TRMT9B: variants seen among roughly 807,000 people sequenced by gnomAD.
TRMT9B encodes the protein tRNA methyltransferase 9B (putative).
Under a neutral mutation model 11.5 loss-of-function variants are expected in TRMT9B, and 16 were observed. The ratio of observed to expected loss-of-function variants is 1.39; its 90% CI spans 0.94 to 2.11. The LOEUF is 2.11. Among genes scored for constraint, TRMT9B ranks in the 30% most tolerant of loss-of-function variants. TRMT9B has a pLI of 0.00. For missense variants in TRMT9B, 941 were observed against 553.8 expected, an observed-to-expected ratio of 1.70 and a Z score of -7.02; for synonymous variants, 274 against 192.4, an observed-to-expected ratio of 1.42 and a Z score of -3.51.
intron 1 of TRMT9B, among the ~76,000 whole-genome samples, chr8:12,985,174 T>C (rs1806078139): frequency 6.6e-6 from 1 of 152,184 alleles, no homozygotes; most frequent in Non-Finnish European, 1.5e-5. Context: ...CCCCTCACGT[T>C]GTTCACTTTC....
intron 1 of TRMT9B, among the ~76,000 whole-genome samples, chr8:12,974,133 T>A (rs77714142): frequency 0.023 from 3,432 of 152,140 alleles, 64 homozygotes; most frequent in Admixed American, 0.037. Context: ...ATCGCACCGA[T>A]GCTCTCCAGC....
chr8:12,995,650 T>C (rs1292139585), intron 2 of TRMT9B, among the ~76,000 whole-genome samples: 1 of 152,176 alleles, frequency 6.6e-6, no homozygotes, highest in Non-Finnish European at 1.5e-5. Context: ...GATACACATG[T>C]TTGTCTTCTT....
intron 1 of TRMT9B, among the ~76,000 whole-genome samples, chr8:12,983,855 G>T (rs534371698): frequency 6.6e-6 from 1 of 152,114 alleles, no homozygotes; most frequent in Non-Finnish European, 1.5e-5. Flanking sequence ...CTTATTTGTT[G>T]CTGTTAACAG....
chr8:12,981,040 A>T (rs1261211429), intron 1 of TRMT9B, among the ~76,000 whole-genome samples: 1 of 152,190 alleles, frequency 6.6e-6, no homozygotes, highest in Non-Finnish European at 1.5e-5. Flanking sequence ...CCACGAAGTC[A>T]CTATGCGGAT....
chr8:12,961,715 AAAAG>A (rs1344790541), intron 1 of TRMT9B: 21 of 149,526 alleles, frequency 1.4e-4, no homozygotes, highest in South Asian at 4.4e-4. Context: ...AAAAAAAAAA[AAAAG>A]AAAGAAGAAA....
chr8:12,968,824 A>G (rs1010839434), intron 1 of TRMT9B, among the ~76,000 whole-genome samples: 1 of 152,182 alleles, frequency 6.6e-6, no homozygotes, highest in African/African-American at 2.4e-5. Context: ...CATTATCTAC[A>G]CAGGCCTGGC....
chr8:13,009,588 G>A (rs953330902), intron 3 of TRMT9B, among the ~76,000 whole-genome samples: 21 of 152,166 alleles, frequency 1.4e-4, no homozygotes, highest in African/African-American at 5.1e-4. Flanking sequence ...AAAAATAAGC[G>A]TATTTGTGCC....
chr8:12,959,724 A>C (rs921568941), intron 1 of TRMT9B, among the ~76,000 whole-genome samples: 1 of 151,786 alleles, frequency 6.6e-6, no homozygotes, highest in African/African-American at 2.4e-5. Context: ...TCTCACAAAA[A>C]GGCTACTTTG....
intron 4 of TRMT9B, among the ~76,000 whole-genome samples, chr8:13,013,756 G>C (rs549056501): frequency 6.6e-6 from 1 of 152,098 alleles, no homozygotes; most frequent in Admixed American, 6.5e-5. Context: ...ATCGAGACCA[G>C]CCTGGCCAAC....
chr8:13,002,563 T>G (rs891464442), intron 2 of TRMT9B, among the ~76,000 whole-genome samples: 2 of 152,172 alleles, frequency 1.3e-5, no homozygotes, highest in African/African-American at 4.8e-5. Context: ...TTTGCTAGGA[T>G]TTTTTGCAGG....
In TRMT9B at chr8:13,021,176, C is replaced by T. The variant is rs368780276; in HGVS notation, c.497C>T (p.Ser166Phe). 2 of 1,613,742 alleles carry T rather than the reference C, an allele frequency of 1.2e-6. No individual in the cohort carries two copies. The highest frequency in any genetic ancestry group is 2.2e-5 in the East Asian group (1 of 44,880). ...GTTCCATGGAACAGGGCTCTGTGTT[C>T]CCAGCTCTTCTCAGAGTCCAGCCAG... ...VLVPWNRALC[S>F]QLFSESSQSG... The change falls in exon 5 of 5, where the codon TCC becomes TTC. Residue 166 changes from serine to phenylalanine, a missense_variant. Transcript: ENST00000524591.
chr8:12,965,837 A>T (rs1392375330), intron 1 of TRMT9B, among the ~76,000 whole-genome samples: 1 of 151,698 alleles, frequency 6.6e-6, no homozygotes, highest in Non-Finnish European at 1.5e-5. Context: ...ACATGGCAAA[A>T]CCCCATCTCT....
At position 12,998,387 on chromosome 8, in the gene TRMT9B, A is replaced by G. The variant is rs116685477; in HGVS notation, c.-2+7356A>G. ...TTTTAATTCATAAATGTATGTCAGT[A>G]TTTGGAGACAGAACTGTTCTAAAGC... On this transcript the variant is annotated intron_variant, in intron 2 of 4. Transcript: ENST00000524591. 2.9e-3 allele frequency among the ~76,000 whole-genome samples: 446 copies of G among 152,348 alleles called. 2 individuals are homozygous for G. Among genetic ancestry groups the G allele is most frequent in the African/African-American group, 0.01 (430 of 41,580 alleles).
In TRMT9B at chr8:13,021,604, G is replaced by A. The variant is rs370361884; in HGVS notation, c.925G>A (p.Glu309Lys). 3 of 1,613,816 alleles carry A rather than the reference G, an allele frequency of 1.9e-6. No individual in the cohort carries two copies. The African/African-American group carries it at 4.0e-5, about 22-fold the overall frequency. Residue 309 changes from glutamate to lysine, a missense_variant, in exon 5 of 5, where the codon GAG (glutamate) becomes AAG (lysine). Coordinates refer to ENST00000524591, the MANE Select transcript of TRMT9B (RefSeq NM_020844.3). Reference protein sequence around the residue: ...PFSTKGQSLDEEVFVESSSGK... With the variant: ...PFSTKGQSLDKEVFVESSSGK... The stretch of plus-strand genomic sequence containing the variant: ...TTCAACAAAAGGGCAAAGTTTAGAT[G>A]AGGAAGTGTTTGTGGAATCTTCTTC...
intron 1 of TRMT9B, among the ~76,000 whole-genome samples, chr8:12,986,093 C>A (rs1585211988): frequency 6.6e-6 from 1 of 152,114 alleles, no homozygotes; most frequent in Non-Finnish European, 1.5e-5. Flanking sequence ...AACTCCTGAC[C>A]TCAGGTGATC....
intron 1 of TRMT9B, among the ~76,000 whole-genome samples, chr8:12,972,806 A>G (rs1483720776): frequency 6.6e-6 from 1 of 152,190 alleles, no homozygotes; most frequent in African/African-American, 2.4e-5. Flanking sequence ...AAATGACTGA[A>G]ATGTTTTTTA....
chr8:12,970,508 G>C (rs192047908), intron 1 of TRMT9B, among the ~76,000 whole-genome samples: 23 of 152,316 alleles, frequency 1.5e-4, no homozygotes, highest in Admixed American at 1.4e-3. Context: ...CCGTTGTTCA[G>C]ATCTAGAGCA....
chr8:13,021,088 C>A lies in TRMT9B; in HGVS notation c.409C>A (p.Leu137Met), dbSNP rs772720165. 62 of 1,608,714 alleles carry A rather than the reference C, an allele frequency of 3.9e-5. No homozygotes were observed. The Admixed American group carries it at 1.0e-3, about 26-fold the overall frequency. The change falls in exon 5 of 5, where the codon CTG (leucine) becomes ATG (methionine). Residue 137 changes from leucine to methionine, a missense_variant. Leu to Met is a conservative substitution (Grantham distance 15). Coordinates refer to ENST00000524591, the MANE Select transcript of TRMT9B (RefSeq NM_020844.3). ...MARVLVPGGQ[L>M]MIYVWAMEQK... is the part of the protein sequence containing the mutation. ...CAGGGTCTTAGTTCCCGGAGGCCAA[C>A]TGATGATTTACGTTTGGGCAATGGA... is the stretch of plus-strand genomic sequence containing the variant.
chr8:13,010,452 T>A, intron 3 of TRMT9B: 1 of 985,198 alleles, frequency 1.0e-6, no homozygotes, highest in Non-Finnish European at 1.2e-6. Context: ...TCCACTTAGC[T>A]AAAGTCATCA....
Sources: gnomAD v4.1 joint callset for allele counts (sites outside exome capture counted in the v4.1 genomes callset) on GRCh38, gnomAD v4.1.1 for gene constraint, MANE v1.5 for transcripts, NCBI Gene and HGNC (gene_info 2026-07-23, HGNC 2026-07-21) for gene names.